The following TEAD1 variants were observed in gnomAD, a reference collection of about 807,000 sequenced individuals.
TEAD1 encodes the protein TEA domain transcription factor 1, also known as transcriptional enhancer factor TEF-1.
Under a neutral mutation model 54.9 loss-of-function variants are expected in TEAD1, and 9 were observed. The observed-to-expected ratio is 0.16, with a 90% CI of 0.10 to 0.29. TEAD1 has a LOEUF of 0.29. Among genes scored for constraint, TEAD1 ranks in the 10% least tolerant of loss-of-function variants. The pLI, the probability that TEAD1 is intolerant of heterozygous loss-of-function variation, is 1.00. For missense variants in TEAD1, 387 were observed against 535.9 expected (o/e 0.72, Z 2.74); for synonymous variants, 200 against 187.8 (o/e 1.07, Z -0.53).
At chr11:12,932,266 A>C (rs1360394079) in intron 12 of TEAD1, among the ~76,000 whole-genome samples, 2 of 152,180 alleles carry the variant, frequency 1.3e-5, no homozygotes, top group African/African-American at 2.4e-5. Context: ...CAGGTGCTTG[A>C]CATATAGGTG....
chr11:12,748,849 A>T (rs1279653246), intron 2 of TEAD1, among the ~76,000 whole-genome samples: 1 of 125,050 alleles, frequency 8.0e-6, no homozygotes, highest in Non-Finnish European at 1.6e-5. Context: ...AGAGGAGCAG[A>T]GGGGATCCAG....
rs922342243 is a variant in TEAD1 at position 12,828,228 on chromosome 11, C to T, written c.203-34022C>T. ...GGTGGAGACTTGATTCACAAGGACGCTAATTATTCATTCTTCCTCCGTGCA... is the reference window on the plus strand; with the variant it reads ...GGTGGAGACTTGATTCACAAGGACGTTAATTATTCATTCTTCCTCCGTGCA... On this transcript the variant is annotated intron_variant, in intron 3 of 12. Transcript: ENST00000527636. 1.3e-5 allele frequency: 2 copies of T among 152,338 alleles called. 1 individual carries two copies. Among genetic ancestry groups the T allele is most frequent in the South Asian group, 4.1e-4 (2 of 4,822 alleles). 9.4% of individuals were successfully genotyped at this position (152,338 alleles called of 1,614,324 possible).
chr11:12,690,199 G>T (rs960292056), intron 2 of TEAD1, among the ~76,000 whole-genome samples: 2 of 141,320 alleles, frequency 1.4e-5, no homozygotes, highest in African/African-American at 5.3e-5. Context: ...CTGAGATTGC[G>T]CCACTGCACT....
At chr11:12,893,340 C>G (rs1348848954) in intron 9 of TEAD1, among the ~76,000 whole-genome samples, 1 of 152,206 alleles carries the variant, frequency 6.6e-6, no homozygotes, top group Non-Finnish European at 1.5e-5. Context: ...CCCCATGCCC[C>G]TCACAGTCCT....
intron 2 of TEAD1, among the ~76,000 whole-genome samples, chr11:12,707,212 C>T (rs1001514234): frequency 7.3e-6 from 1 of 137,594 alleles, no homozygotes; most frequent in Non-Finnish European, 1.5e-5. Context: ...ATCTCACTTT[C>T]TATAGAGGAA....
chr11:12,927,337 TC>T (rs1948921703), intron 11 of TEAD1, among the ~76,000 whole-genome samples: 1 of 152,178 alleles, frequency 6.6e-6, no homozygotes, highest in Non-Finnish European at 1.5e-5. Flanking sequence ...AACAGATCTG[TC>T]CCCTTTAAAT....
rs1590009445 is a variant in TEAD1, at chr11:12,939,738, TAA to T, written c.*2519_*2520del. 6.6e-6 allele frequency: 1 copy of T among 152,276 alleles called. No homozygotes were observed. The highest frequency in any genetic ancestry group is 2.4e-5 in the African/African-American group (1 of 41,464). 9.4% of individuals were successfully genotyped at this position (152,276 alleles called of 1,614,324 possible). On this transcript the variant is annotated 3_prime_UTR_variant, in exon 13 of 13. Coordinates refer to ENST00000527636, the MANE Select transcript of TEAD1 (RefSeq NM_021961.6). ...CTCTTACAACATTTCTAAGGATTTT[TAA>T]AAGTTTACTTCTTGTCTTGTTCTTC... is the stretch of plus-strand genomic sequence containing the variant.
chr11:12,752,686 A>G (rs973026826), intron 2 of TEAD1, among the ~76,000 whole-genome samples: 8 of 152,174 alleles, frequency 5.3e-5, no homozygotes, highest in Non-Finnish European at 1.0e-4. Flanking sequence ...CACAGTAGCC[A>G]TTAGCCACTT....
chr11:12,744,736 G>A (rs1033995552), intron 2 of TEAD1, among the ~76,000 whole-genome samples: 3 of 152,086 alleles, frequency 2.0e-5, no homozygotes, highest in Non-Finnish European at 4.4e-5. Flanking sequence ...ATTAGTGAGT[G>A]GGTGAACATG....
rs990820136 is a variant in TEAD1, at chr11:12,937,394, T to C, written c.*172T>C. On this transcript the variant is annotated 3_prime_UTR_variant, in exon 13 of 13. Coordinates refer to ENST00000527636, the MANE Select transcript of TEAD1 (RefSeq NM_021961.6). ...ATCTTGTTTGAGTGAAGTCATTTTT[T>C]CATGTGTTCATACTATCATTGTAGC... The C allele has an allele frequency of 5.4e-6, 3 of 559,474 alleles. No homozygotes were observed. The highest frequency in any genetic ancestry group is 9.7e-6 in the Non-Finnish European group (3 of 308,166). 34.7% of individuals were successfully genotyped at this position (559,474 alleles called of 1,614,324 possible).
chr11:12,746,307 C>T (rs1488067574), intron 2 of TEAD1, among the ~76,000 whole-genome samples: 2 of 152,174 alleles, frequency 1.3e-5, no homozygotes, highest in African/African-American at 4.8e-5. Context: ...ACCTAATTAG[C>T]TTCGACATGT....
intron 3 of TEAD1, among the ~76,000 whole-genome samples, chr11:12,767,020 C>T (rs1008915405): frequency 6.6e-6 from 1 of 152,266 alleles, no homozygotes; most frequent in Admixed American, 6.5e-5. Context: ...TCTACTGCTA[C>T]CTTGGAAGGG....
intron 3 of TEAD1, among the ~76,000 whole-genome samples, chr11:12,775,230 A>C (rs562764803): frequency 6.6e-6 from 1 of 152,138 alleles, no homozygotes; most frequent in South Asian, 2.1e-4. Context: ...GAACAGGGGG[A>C]CGGGGAGCTC....
At chr11:12,858,108 A>G (rs1480807263) in intron 3 of TEAD1, among the ~76,000 whole-genome samples, 1 of 152,158 alleles carries the variant, frequency 6.6e-6, no homozygotes, top group African/African-American at 2.4e-5. Flanking sequence ...CCTGTCTAAA[A>G]GAAATAAAGG....
chr11:12,847,389 C>T (rs1025954357), intron 3 of TEAD1, among the ~76,000 whole-genome samples: 2 of 150,968 alleles, frequency 1.3e-5, no homozygotes, highest in Non-Finnish European at 2.9e-5. Flanking sequence ...GTATGGTGAG[C>T]AGGAGGGGCA....
chr11:12,871,147 G>A (rs1297384726), intron 5 of TEAD1, among the ~76,000 whole-genome samples: 1 of 152,194 alleles, frequency 6.6e-6, no homozygotes. Flanking sequence ...AGGCTTCTAG[G>A]CCTATGGAAT....
Position 12,710,246 on chromosome 11 carries a change from C to T in TEAD1, c.-55+34685C>T, listed in dbSNP as rs1943906827. Reference sequence around the variant, plus strand: ...GGCTGAGGCAGGAGAATTGCTTGAGCCTGAGAGGTCAAGGCTGCAGTGAGC... The same window carrying T: ...GGCTGAGGCAGGAGAATTGCTTGAGTCTGAGAGGTCAAGGCTGCAGTGAGC... On this transcript the variant is annotated intron_variant, in intron 2 of 12. Transcript: ENST00000527636. 2.6e-5 allele frequency among the ~76,000 whole-genome samples: 4 copies of T among 152,188 alleles called. No homozygotes were observed. In the South Asian group the frequency reaches 8.3e-4, roughly 32 times the overall value.
chr11:12,854,136 A>G (rs988978144), intron 3 of TEAD1, among the ~76,000 whole-genome samples: 1 of 152,136 alleles, frequency 6.6e-6, no homozygotes, highest in Non-Finnish European at 1.5e-5. Context: ...TTTCTGGTCA[A>G]TGATTTATAT....
intron 3 of TEAD1, among the ~76,000 whole-genome samples, chr11:12,825,941 A>G (rs745819853): frequency 3.9e-5 from 6 of 152,240 alleles, no homozygotes; most frequent in Admixed American, 2.6e-4. Context: ...TTTTCAATGA[A>G]TAGTGCTAGG....
Sources: allele counts gnomAD v4.1 joint callset (sites outside exome capture counted in the v4.1 genomes callset), GRCh38; gene constraint gnomAD v4.1.1; transcripts MANE v1.5; gene names NCBI Gene and HGNC (gene_info 2026-07-23, HGNC 2026-07-21).